The following CEP85 variants were observed in gnomAD, a reference collection of about 807,000 sequenced individuals.
The protein encoded by CEP85 is centrosomal protein of 85 kDa.
Under a neutral mutation model 93.7 loss-of-function variants are expected in CEP85, and 58 were observed. The observed-to-expected ratio is 0.62, with a 90% confidence interval of 0.50 to 0.77. The LOEUF (loss-of-function observed/expected upper bound fraction) is 0.77. Among genes scored for constraint, CEP85 ranks in the 30% least tolerant of loss-of-function variants. The pLI, the probability that CEP85 is intolerant of heterozygous loss-of-function variation, is 0.00. For synonymous variants in CEP85, 314 were observed against 338.6 expected, an observed-to-expected ratio of 0.93 and a Z score of 0.80; for missense variants, 868 against 922.0, an observed-to-expected ratio of 0.94 and a Z score of 0.76.
Position 26,277,145 on chromosome 1 carries a change from C to G in CEP85, c.2138C>G (p.Pro713Arg), listed in dbSNP as rs766538793. ...CTCTTCTCCCCAGCAGCACAGCACC[C>G]AGAGACTCAGCTAGATTTGCAGAAG... is the stretch of plus-strand genomic sequence containing the variant. ...SLLLGIHSQHPETQLDLQKPD... is the reference protein window; with the variant it reads ...SLLLGIHSQHRETQLDLQKPD... Residue 713 changes from proline (P) to arginine (R), a missense_variant, in exon 14 of 14, where the codon CCA (proline) becomes CGA (arginine). Physicochemically the swap from Pro to Arg is moderately radical, Grantham distance 103. Transcript: ENST00000451429. The G allele has an allele frequency of 6.2e-7, 1 of 1,613,542 alleles. No individual in the cohort carries two copies. The highest frequency in any genetic ancestry group is 1.1e-5 in the South Asian group (1 of 91,070).
intron 3 of CEP85, among the ~76,000 whole-genome samples, chr1:26,249,653 C>T (rs1415726458): frequency 1.3e-5 from 2 of 152,132 alleles, no homozygotes; most frequent in Admixed American, 6.5e-5. Flanking sequence ...TGAATCACTT[C>T]AGGTGTAGAC....
intron 7 of CEP85, among the ~76,000 whole-genome samples, chr1:26,266,754 A>G (rs2089900369): frequency 6.6e-6 from 1 of 152,218 alleles, no homozygotes; most frequent in Non-Finnish European, 1.5e-5. Context: ...CCTTGTTCAT[A>G]AGCAAACAAA....
chr1:26,269,553 A>G lies in CEP85; in HGVS notation c.1588A>G (p.Lys530Glu), dbSNP rs373834409. ...LEETQAICRE[K>E]EIQLESLRQR... ...GGAGACCCAGGCAATCTGCAGAGAG[A>G]AGGAGATTCAACTGGAAAGCCTGAG... Residue 530 changes from lysine (K) to glutamate (E), a missense_variant, in exon 9 of 14, where the codon AAG becomes GAG. Physicochemically the swap from Lys to Glu is moderately conservative, Grantham distance 56. Transcript: ENST00000451429. 1.2e-5 allele frequency: 20 copies of G among 1,613,902 alleles called. No individual in the cohort carries two copies. The highest frequency in any genetic ancestry group is 1.5e-5 in the Non-Finnish European group (18 of 1,179,960).
intron 7 of CEP85, among the ~76,000 whole-genome samples, chr1:26,261,707 C>G (rs2089810832): frequency 7.5e-6 from 1 of 133,410 alleles, no homozygotes; most frequent in African/African-American, 2.8e-5. Context: ...CAAGCCTGAA[C>G]AACATAGTGA....
Position 26,268,591 on chromosome 1 carries a change from G to C in CEP85, c.1450G>C (p.Ala484Pro), listed in dbSNP as rs1325367006. 1 of 1,613,870 alleles carries C rather than the reference G, an allele frequency of 6.2e-7. No homozygotes were observed. Among genetic ancestry groups the C allele is most frequent in the East Asian group, 2.2e-5 (1 of 44,880 alleles). The change falls in exon 8 of 14, where the codon GCT becomes CCT. Residue 484 changes from alanine (A) to proline (P), a missense_variant. By Grantham distance (27) the Ala-to-Pro change is conservative. Transcript: ENST00000451429. ...TATTGAGACCTTGGAGCGCTACCTG[G>C]CTGACCTGCCCACACTGGAAGACCA... ...QRIETLERYL[A>P]DLPTLEDHQK...
intron 12 of CEP85, 112 bp downstream of exon 12, chr1:26,275,183 C>A: frequency 1.4e-6 from 1 of 734,164 alleles, no homozygotes. Context: ...GGGAAAGGTC[C>A]CTACTGAGCT....
Position 26,259,663 on chromosome 1 carries a change from A to C in CEP85, c.1202A>C (p.Lys401Thr), listed in dbSNP as rs1275924991. 2 of 1,613,774 alleles carry C rather than the reference A, an allele frequency of 1.2e-6. No individual in the cohort carries two copies. Among genetic ancestry groups the C allele is most frequent in the East Asian group, 4.5e-5 (2 of 44,886 alleles). Residue 401 changes from lysine to threonine, a missense_variant, in exon 7 of 14, where the codon AAG becomes ACG. Lys to Thr is a moderately conservative substitution (Grantham distance 78). Transcript: ENST00000451429. ...TTCTTACGTGCACAGTTTGCACAGA[A>C]GACAGAAGCCTTGAGCAGAGAAAAG... is the stretch of plus-strand genomic sequence containing the variant. Reference protein sequence around the residue: ...NTFLRAQFAQKTEALSREKID... With the variant: ...NTFLRAQFAQTTEALSREKID...
Position 26,259,733 on chromosome 1 carries a change from G to C in CEP85, c.1272G>C (p.Gln424His). ...TCTCTGCTTCTGAAGTTGAAGTCCAGCTCATCAGAGAGTCGCTCAAAGTGG... is the reference window on the plus strand; with the variant it reads ...TCTCTGCTTCTGAAGTTGAAGTCCACCTCATCAGAGAGTCGCTCAAAGTGG... ...KKLSASEVEV[Q>H]LIRESLKVAL... The change falls in exon 7 of 14, where the codon CAG (glutamine) becomes CAC (histidine). Residue 424 changes from glutamine (Q) to histidine (H), a missense_variant. By Grantham distance (24) the Gln-to-His change is conservative. Transcript: ENST00000451429. The C allele has an allele frequency of 1.2e-6, 2 of 1,614,044 alleles. No homozygotes were observed. The highest frequency in any genetic ancestry group is 2.2e-5 in the East Asian group (1 of 44,880).
Position 26,238,949 on chromosome 1 carries a change from T to A in CEP85, c.-22-813T>A, listed in dbSNP as rs376679308. ...ACTTATGAGCAAGAATTCTTTCCCA[T>A]CTTTTTACATCGTATGACTGACTTT... On this transcript the variant is annotated intron_variant, in intron 1 of 13. Coordinates refer to ENST00000451429, the MANE Select transcript of CEP85 (RefSeq NM_001319944.2). Among the ~76,000 whole-genome samples, 4 of 152,326 alleles carry A rather than the reference T, an allele frequency of 2.6e-5. No individual in the cohort carries two copies. The East Asian group carries it at 7.7e-4, about 29-fold the overall frequency.
At chr1:26,255,030 G>A (rs1011592720) in intron 3 of CEP85, 141 bp from the exon 4 acceptor site, 44 of 717,992 alleles carry the variant, frequency 6.1e-5, no homozygotes, top group East Asian at 5.4e-4. Flanking sequence ...TTTGGTTGCC[G>A]TTTCTTTCTG....
At chr1:26,266,682 G>A (rs556179702) in intron 7 of CEP85, among the ~76,000 whole-genome samples, 21 of 152,276 alleles carry the variant, frequency 1.4e-4, no homozygotes, top group African/African-American at 2.2e-4. Context: ...GGCCTTTGCC[G>A]CCTCTTTGAC....
intron 1 of CEP85, among the ~76,000 whole-genome samples, chr1:26,235,197 C>T (rs960557431): frequency 2.0e-5 from 3 of 152,206 alleles, no homozygotes; most frequent in African/African-American, 7.2e-5. Flanking sequence ...CAGAGCCAGG[C>T]GCATAGTAGG....
intron 10 of CEP85, 82 bp downstream of exon 10, chr1:26,271,189 C>G: frequency 1.2e-6 from 1 of 840,190 alleles, no homozygotes. Context: ...TACGTGAATT[C>G]TTGGCTTTGG....
chr1:26,260,004 C>T (rs563760924), intron 7 of CEP85, among the ~76,000 whole-genome samples: 1 of 152,266 alleles, frequency 6.6e-6, no homozygotes, highest in Admixed American at 6.5e-5. Context: ...GCTTCATCTC[C>T]ACAAAACCAC....
chr1:26,241,531 A>T (rs956290916), intron 2 of CEP85, among the ~76,000 whole-genome samples: 2 of 152,136 alleles, frequency 1.3e-5, no homozygotes, highest in African/African-American at 4.8e-5. Context: ...GGCGTGAGCC[A>T]CTGCACCCGG....
rs192953233 is a variant in CEP85 at position 26,245,409 on chromosome 1, C to T, written c.208+1091C>T. Among the ~76,000 whole-genome samples, 294 of 152,198 alleles carry T rather than the reference C, an allele frequency of 1.9e-3. 1 individual carries two copies. Among genetic ancestry groups the T allele is most frequent in the Middle Eastern group, 3.4e-3 (1 of 294 alleles). On this transcript the variant is annotated intron_variant, in intron 3 of 13. Coordinates refer to ENST00000451429, the MANE Select transcript of CEP85 (RefSeq NM_001319944.2). The stretch of plus-strand genomic sequence containing the variant: ...GGCCCATGTATGCGATGCCTGCCTC[C>T]TCTTGCCTTTCCTAGCTATGCTGAT...
intron 5 of CEP85, 90 bp from the exon 6 acceptor site, chr1:26,258,051 CTT>C: frequency 1.2e-6 from 1 of 829,640 alleles, no homozygotes; most frequent in Non-Finnish European, 2.0e-6. Flanking sequence ...AATCTAAGAT[CTT>C]GCTTACGTAA....
intron 11 of CEP85, among the ~76,000 whole-genome samples, chr1:26,273,618 C>T (rs922434331): frequency 1.3e-5 from 2 of 152,040 alleles, no homozygotes; most frequent in African/African-American, 2.4e-5. Flanking sequence ...CAGGTGAGGC[C>T]GGACACGGTG....
chr1:26,250,925 C>CCTTTTTTTT (rs2089598435), intron 3 of CEP85, among the ~76,000 whole-genome samples: 11 of 55,134 alleles, frequency 2.0e-4, no homozygotes, highest in African/African-American at 6.4e-4. Flanking sequence ...TTTTTTTTTT[C>CCTTTTTTTT]TTTTTTCTTT....
Sources: gnomAD v4.1 joint callset for allele counts (sites outside exome capture counted in the v4.1 genomes callset) on GRCh38, gnomAD v4.1.1 for gene constraint, MANE v1.5 for transcripts, NCBI Gene and HGNC (gene_info 2026-07-23, HGNC 2026-07-21) for gene names.